The following WDFY3 variants were observed in gnomAD, a reference collection of about 807,000 sequenced individuals.
WDFY3 encodes WD repeat and FYVE domain-containing protein 3.
A neutral mutation model predicts 409.6 loss-of-function variants in WDFY3; 66 were observed. The observed-to-expected ratio is 0.16, with a 90% CI of 0.13 to 0.20. The LOEUF (loss-of-function observed/expected upper bound fraction) is 0.20. WDFY3 is among the 10% of genes least tolerant of loss of function. The probability of loss-of-function intolerance (pLI) is 1.00; values close to 1 mark genes in which losing one functional copy is unlikely to be tolerated. For synonymous variants in WDFY3, 1,521 were observed against 1,537.1 expected (o/e 0.99, Z 0.25); for missense variants, 3,031 against 4,298.1 (o/e 0.71, Z 8.24).
At position 84,826,629 on chromosome 4, in the gene WDFY3, T is replaced by C. The variant is rs557712336; in HGVS notation, c.1123+186A>G. ...TTTTTATAATATTATTTTCAAGTAT[T>C]TGATCTGCTAGATTAAAGGTTATTA... is the stretch of plus-strand genomic sequence containing the variant. On this transcript the variant is annotated intron_variant, in intron 10 of 67. Coordinates refer to ENST00000295888, the MANE Select transcript of WDFY3 (RefSeq NM_014991.6). Among the ~76,000 whole-genome samples the C allele has an allele frequency of 2.3e-3, 352 of 152,242 alleles. 1 individual carries two copies. Among genetic ancestry groups the C allele is most frequent in the African/African-American group, 8.3e-3 (346 of 41,550 alleles).
At chr4:84,841,944 T>C (rs1171562483) in intron 5 of WDFY3, among the ~76,000 whole-genome samples, 1 of 152,046 alleles carries the variant, frequency 6.6e-6, no homozygotes, top group Non-Finnish European at 1.5e-5. Flanking sequence ...GTTTCCTAAG[T>C]AATACACAGA....
intron 27 of WDFY3, among the ~76,000 whole-genome samples, chr4:84,775,577 A>G (rs926029150): frequency 1.3e-5 from 2 of 152,024 alleles, no homozygotes; most frequent in East Asian, 1.9e-4. Flanking sequence ...AATGAAGCAT[A>G]AGAAAAAAAT....
intron 3 of WDFY3, among the ~76,000 whole-genome samples, chr4:84,884,533 G>A (rs117562848): frequency 6.6e-6 from 1 of 151,956 alleles, no homozygotes; most frequent in Non-Finnish European, 1.5e-5. Flanking sequence ...TACAATTAAA[G>A]AAATTGATCA....
intron 36 of WDFY3, among the ~76,000 whole-genome samples, chr4:84,745,382 A>G (rs1003452796): frequency 3.9e-5 from 6 of 152,216 alleles, no homozygotes; most frequent in Admixed American, 2.6e-4. Flanking sequence ...TTATTCTTGA[A>G]TAGAGAGATC....
At chr4:84,956,180 A>G (rs887383596) in intron 1 of WDFY3, among the ~76,000 whole-genome samples, 3 of 152,212 alleles carry the variant, frequency 2.0e-5, no homozygotes, top group African/African-American at 7.2e-5. Flanking sequence ...TGGGCCTGGT[A>G]TTAATTGGCT....
chr4:84,804,845 A>G (rs942769977), intron 15 of WDFY3, among the ~76,000 whole-genome samples: 1 of 152,190 alleles, frequency 6.6e-6, no homozygotes, highest in South Asian at 2.1e-4. Context: ...TTCCAAAATC[A>G]TTTCTAAATT....
At chr4:84,929,936 G>A (rs1418077664) in intron 2 of WDFY3, among the ~76,000 whole-genome samples, 1 of 151,466 alleles carries the variant, frequency 6.6e-6, no homozygotes, top group Non-Finnish European at 1.5e-5. Flanking sequence ...CTAGACACAA[G>A]AGACATGCAT....
chr4:84,757,191 C>T lies in WDFY3; in HGVS notation c.5189-30G>A, dbSNP rs191567690. 9.3e-5 allele frequency: 147 copies of T among 1,587,430 alleles called. No individual in the cohort carries two copies. In the Admixed American group the frequency reaches 2.4e-3, roughly 25 times the overall value. ...GAGAAGAGGAATATAACAGTAAGTGCAAAATCAGCAACTGATAAACATGCT... is the reference window on the plus strand; with the variant it reads ...GAGAAGAGGAATATAACAGTAAGTGTAAAATCAGCAACTGATAAACATGCT... On this transcript the variant is annotated intron_variant, in intron 32 of 67. Coordinates refer to ENST00000295888, the MANE Select transcript of WDFY3 (RefSeq NM_014991.6).
chr4:84,837,140 G>C, intron 6 of WDFY3, 50 bp from the exon 7 acceptor site: 1 of 1,356,068 alleles, frequency 7.4e-7, no homozygotes, highest in Non-Finnish European at 9.6e-7. Flanking sequence ...AACTATAATT[G>C]GTACAGCCAA....
intron 2 of WDFY3, among the ~76,000 whole-genome samples, chr4:84,931,560 T>C (rs1650785525): frequency 6.6e-6 from 1 of 152,170 alleles, no homozygotes; most frequent in Non-Finnish European, 1.5e-5. Flanking sequence ...GCGGGAAATC[T>C]GATTGTCTTT....
At chr4:84,737,908 AT>A (rs1737735018) in intron 40 of WDFY3, among the ~76,000 whole-genome samples, 1 of 152,082 alleles carries the variant, frequency 6.6e-6, no homozygotes, top group Non-Finnish European at 1.5e-5. Flanking sequence ...AGGGTTTCTG[AT>A]TCAGTAGGTC....
intron 32 of WDFY3, among the ~76,000 whole-genome samples, chr4:84,762,444 C>T (rs1742808484): frequency 7.9e-6 from 1 of 127,250 alleles, no homozygotes; most frequent in South Asian, 2.5e-4. Flanking sequence ...AGGGGAACAT[C>T]ACACTCTGGG....
intron 24 of WDFY3, 38 bp from the exon 25 acceptor site, chr4:84,783,112 G>A (rs368978350): frequency 6.4e-7 from 1 of 1,559,514 alleles, no homozygotes; most frequent in African/African-American, 1.4e-5. Context: ...AATTATATAA[G>A]AACAGTTTCA....
At chr4:84,841,795 GA>G (rs1234956210) in intron 5 of WDFY3, among the ~76,000 whole-genome samples, 10 of 152,302 alleles carry the variant, frequency 6.6e-5, no homozygotes, top group Admixed American at 1.3e-4. Flanking sequence ...GGCTGTATTT[GA>G]TTTTCTGGGC....
chr4:84,790,136 C>T (rs1578528447), intron 21 of WDFY3, among the ~76,000 whole-genome samples: 1 of 151,712 alleles, frequency 6.6e-6, no homozygotes, highest in Non-Finnish European at 1.5e-5. Flanking sequence ...GATCACCTGA[C>T]GTCAGGAGTT....
chr4:84,873,656 T>C (rs1287328100), intron 3 of WDFY3, among the ~76,000 whole-genome samples: 1 of 152,124 alleles, frequency 6.6e-6, no homozygotes, highest in Non-Finnish European at 1.5e-5. Flanking sequence ...GCAGAAATTA[T>C]TGAAACTGAA....
intron 4 of WDFY3, among the ~76,000 whole-genome samples, chr4:84,859,945 TAA>T (rs758223906): frequency 1.1e-4 from 16 of 152,200 alleles, no homozygotes; most frequent in Non-Finnish European, 1.9e-4. Flanking sequence ...ATGAAAACAT[TAA>T]CTCTATTTGA....
chr4:84,951,862 G>A (rs1237414832), intron 1 of WDFY3, among the ~76,000 whole-genome samples: 2 of 152,144 alleles, frequency 1.3e-5, no homozygotes, highest in African/African-American at 2.4e-5. Context: ...AGAAAGGCTG[G>A]AATATGAGGA....
chr4:84,825,290 T>C (rs913456121), intron 10 of WDFY3, among the ~76,000 whole-genome samples: 3 of 151,184 alleles, frequency 2.0e-5, no homozygotes, highest in East Asian at 1.9e-4. Flanking sequence ...TATTAATTCA[T>C]AGGAAGATTT....
Sources: gnomAD v4.1 joint callset for allele counts (sites outside exome capture counted in the v4.1 genomes callset) on GRCh38, gnomAD v4.1.1 for gene constraint, MANE v1.5 for transcripts, NCBI Gene and HGNC (gene_info 2026-07-23, HGNC 2026-07-21) for gene names.